The following NT5DC4 variants were observed in gnomAD, a reference collection of about 807,000 sequenced individuals.
NT5DC4 encodes 5'-nucleotidase domain-containing protein 4.
A neutral mutation model predicts 26.6 loss-of-function variants in NT5DC4; 44 were observed. The ratio of observed to expected loss-of-function variants is 1.65; its 90% confidence interval spans 1.30 to 2.13. NT5DC4 has a LOEUF of 2.13. Ranked by LOEUF, NT5DC4 falls within the 30% of genes most tolerant of loss-of-function variation. NT5DC4 has a pLI of 0.00. For missense variants in NT5DC4, 399 were observed against 228.1 expected, an observed-to-expected ratio of 1.75 and a Z score of -4.83; for synonymous variants, 157 against 86.7, an observed-to-expected ratio of 1.81 and a Z score of -4.51.
chr2:112,721,571 C>T, intron 1 of NT5DC4: 1 of 717,720 alleles, frequency 1.4e-6, no homozygotes, highest in African/African-American at 1.7e-5. Context: ...CGGCTGATTG[C>T]CCGCACACAC....
In NT5DC4 at chr2:112,725,467, C is replaced by A. The variant is rs1458441835; in HGVS notation, c.1068C>A (p.Leu356=). 2.8e-6 allele frequency: 2 copies of A among 717,202 alleles called. No homozygotes were observed. Among genetic ancestry groups the A allele is most frequent in the South Asian group, 3.0e-5 (2 of 67,578 alleles). 44.4% of individuals were successfully genotyped at this position (717,202 alleles called of 1,614,324 possible). The stretch of plus-strand genomic sequence containing the variant: ...GGGACCACATTTTTGGGGACATTCT[C>A]AAGTCCAAGAAGCGTCAGGGCTGGC... ...YIGDHIFGDI[L]KSKKRQGWRT... The change falls in exon 13 of 17, where the codon CTC becomes CTA. Residue 356 remains leucine, a synonymous_variant. Coordinates refer to ENST00000688554, the MANE Select transcript of NT5DC4 (RefSeq NM_001393655.1).
At chr2:112,726,972 G>C (rs1677829745) in intron 15 of NT5DC4, 1 of 572,198 alleles carries the variant, frequency 1.7e-6, no homozygotes, top group Admixed American at 3.0e-5. Flanking sequence ...TGCAGGCTTT[G>C]CCTCCAGTCC....
downstream of NT5DC4, chr2:112,740,830 C>T (rs1346521446): frequency 3.7e-6 from 6 of 1,610,222 alleles, no homozygotes; most frequent in African/African-American, 2.7e-5. Context: ...AGGGATTGGA[C>T]CAATCTGTAA....
At chr2:112,727,496 G>A (rs1677897267) in intron 15 of NT5DC4, among the ~76,000 whole-genome samples, 1 of 152,152 alleles carries the variant, frequency 6.6e-6, no homozygotes, top group East Asian at 1.9e-4. Context: ...GTCCTCTGTT[G>A]GACTCAGATG....
At position 112,721,860 on chromosome 2, in the gene NT5DC4, C is replaced by G; in HGVS notation, c.117C>G (p.Cys39Trp). The G allele has an allele frequency of 1.4e-6, 1 of 717,384 alleles. No homozygotes were observed. The highest frequency in any genetic ancestry group is 2.6e-6 in the Non-Finnish European group (1 of 385,100). 44.4% of individuals were successfully genotyped at this position (717,384 alleles called of 1,614,324 possible). The change falls in exon 2 of 17, where the codon TGC becomes TGG. Residue 39 changes from cysteine (C) to tryptophan (W), a missense_variant. Coordinates refer to ENST00000688554, the MANE Select transcript of NT5DC4 (RefSeq NM_001393655.1). ...NRSLALGKIR[C>W]FGFDMDYTLA... ...GCCTGGCGCTGGGGAAGATTCGTTG[C>G]TTTGGCTTCGACATGGACTACACTC...
intron 15 of NT5DC4, 75 bp from the exon 16 acceptor site, chr2:112,729,552 G>A: frequency 1.4e-6 from 1 of 713,796 alleles, no homozygotes; most frequent in Non-Finnish European, 2.6e-6. Flanking sequence ...AGGGGAGCCT[G>A]TGCATAGCTG....
downstream of NT5DC4, among the ~76,000 whole-genome samples, chr2:112,740,067 G>A: frequency 6.6e-6 from 1 of 152,106 alleles, no homozygotes; most frequent in East Asian, 1.9e-4. Context: ...TGTAATTAGT[G>A]GTTTTGTGAA....
intron 1 of NT5DC4, among the ~76,000 whole-genome samples, 171 bp downstream of exon 1, chr2:112,721,324 G>A (rs1676840602): frequency 6.6e-6 from 1 of 152,168 alleles, no homozygotes; most frequent in African/African-American, 2.4e-5. Context: ...AACCCATCAG[G>A]GAACTGACCA....
intron 16 of NT5DC4, among the ~76,000 whole-genome samples, chr2:112,730,402 C>T (rs1678346695): frequency 6.6e-6 from 1 of 152,004 alleles, no homozygotes. Flanking sequence ...GCCCTGCACC[C>T]CTACGGACTG....
upstream of NT5DC4, among the ~76,000 whole-genome samples, chr2:112,719,840 T>TTCCCCCTCCCTCCCTCCC: frequency 1.3e-5 from 1 of 78,420 alleles, no homozygotes; most frequent in East Asian, 3.5e-4. Context: ...CCTTCCTTCC[T>TTCCCCCTCCCTCCCTCCC]TCCCTCCCTC....
chr2:112,739,976 TG>T (rs1218080242), downstream of NT5DC4, among the ~76,000 whole-genome samples: 2 of 151,906 alleles, frequency 1.3e-5, no homozygotes, highest in African/African-American at 4.8e-5. Flanking sequence ...TTTTTTGAGA[TG>T]GAGTTTCACT....
intron 15 of NT5DC4, among the ~76,000 whole-genome samples, chr2:112,727,942 A>C (rs1252010029): frequency 6.6e-6 from 1 of 152,182 alleles, no homozygotes; most frequent in Admixed American, 6.5e-5. Flanking sequence ...TGTACTTCCG[A>C]GTGAGCTCAG....
downstream of NT5DC4, among the ~76,000 whole-genome samples, chr2:112,739,861 C>G (rs2104846563): frequency 6.6e-6 from 1 of 152,252 alleles, no homozygotes; most frequent in African/African-American, 2.4e-5. Flanking sequence ...CCTATGCTGC[C>G]CAGGCCACTC....
At chr2:112,729,059 A>AGT (rs761375812) in intron 15 of NT5DC4, among the ~76,000 whole-genome samples, 2 of 152,216 alleles carry the variant, frequency 1.3e-5, no homozygotes, top group African/African-American at 4.8e-5. Context: ...AGAACACACC[A>AGT]ACCCCCCATC....
Position 112,723,061 on chromosome 2 carries a change from C to A in NT5DC4, c.528-20C>A. ...CAGGCCCCCTTATTGGCCTCCCCGT[C>A]CCCTCTTTGCCTGCCCCAGTTGTGA... On this transcript the variant is annotated intron_variant, in intron 6 of 16. Coordinates refer to ENST00000688554, the MANE Select transcript of NT5DC4 (RefSeq NM_001393655.1). The A allele has an allele frequency of 1.4e-6, 1 of 707,160 alleles. No individual in the cohort carries two copies. The highest frequency in any genetic ancestry group is 2.6e-6 in the Non-Finnish European group (1 of 379,388). 43.8% of individuals were successfully genotyped at this position (707,160 alleles called of 1,614,324 possible).
chr2:112,722,077 C>T lies in NT5DC4; in HGVS notation c.240C>T (p.Tyr80=), dbSNP rs908738250. Residue 80 remains tyrosine, a synonymous_variant, in exon 3 of 17, where the codon TAC becomes TAT. Coordinates refer to ENST00000688554, the MANE Select transcript of NT5DC4 (RefSeq NM_001393655.1). ...GGTACCCGCATGAGATCCTGCGCTA[C>T]ACCTACGACCCCACCTTCCCCACCA... ...CIGYPHEILR[Y]TYDPTFPTRR... 2 of 717,020 alleles carry T rather than the reference C, an allele frequency of 2.8e-6. No individual in the cohort carries two copies. The highest frequency in any genetic ancestry group is 2.0e-5 in the Admixed American group (1 of 50,010). 44.4% of individuals were successfully genotyped at this position (717,020 alleles called of 1,614,324 possible).
chr2:112,733,224 G>A (rs1211716007), intron 16 of NT5DC4, among the ~76,000 whole-genome samples: 3 of 149,562 alleles, frequency 2.0e-5, no homozygotes, highest in African/African-American at 7.4e-5. Flanking sequence ...ATGGGTAGGA[G>A]GTAGGACAGA....
At chr2:112,726,867 C>A in intron 15 of NT5DC4, 129 bp downstream of exon 15, 1 of 674,516 alleles carries the variant, frequency 1.5e-6, no homozygotes, top group Non-Finnish European at 2.8e-6. Context: ...CTCAGCCTCG[C>A]CTGGGCTCCA....
At chr2:112,742,338 A>G, downstream of NT5DC4, 2 of 714,878 alleles carry the variant, frequency 2.8e-6, no homozygotes, top group East Asian at 2.7e-5. Context: ...GCGTAACACA[A>G]ATTTAGATGA....
Sources: allele counts gnomAD v4.1 joint callset (sites outside exome capture counted in the v4.1 genomes callset), GRCh38; gene constraint gnomAD v4.1.1; transcripts MANE v1.5; gene names NCBI Gene and HGNC (gene_info 2026-07-23, HGNC 2026-07-21).